The following IRAK1 variants were observed in gnomAD, a reference collection of about 807,000 sequenced individuals.
IRAK1 encodes the protein interleukin-1 receptor-associated kinase 1.
Under a neutral mutation model 49.8 loss-of-function variants are expected in IRAK1, and 9 were observed. That is an observed-to-expected ratio of 0.18 (90% CI 0.11 to 0.32). IRAK1 has a LOEUF of 0.32. IRAK1 is among the 10% of genes least tolerant of loss of function. The pLI, the probability that IRAK1 is intolerant of heterozygous loss-of-function variation, is 1.00. For missense variants in IRAK1, 418 were observed against 600.5 expected, an observed-to-expected ratio of 0.70 and a Z score of 3.18; for synonymous variants, 282 against 270.8, an observed-to-expected ratio of 1.04 and a Z score of -0.41.
chrX:154,015,048 CAG>C (rs1200957143), intron 10 of IRAK1, among the ~76,000 whole-genome samples: 2 of 112,131 alleles, frequency 1.8e-5, no homozygotes, highest in African/African-American at 6.5e-5. Flanking sequence ...GTTCTGAAAT[CAG>C]ACAGACCAGG....
At chrX:154,013,536 A>G in intron 11 of IRAK1, 103 bp from the exon 12 acceptor site, 1 of 808,722 alleles carries the variant, frequency 1.2e-6, no homozygotes, top group East Asian at 3.3e-5. Context: ...GACCTGCCCC[A>G]GGGCTCTAAA....
In IRAK1 at chrX:154,011,442, A is replaced by G. The variant is rs1379123802; in HGVS notation, c.*417T>C. On this transcript the variant is annotated 3_prime_UTR_variant, in exon 14 of 14. Transcript: ENST00000369980. The stretch of plus-strand genomic sequence containing the variant: ...GAGGGCCCTAGGCCTCGTCGGCCCC[A>G]TTGTGCAGGGTGGCCACTGTCCAAA... 3.8e-6 allele frequency: 1 copy of G among 262,127 alleles called. No individual in the cohort carries two copies. Among genetic ancestry groups the G allele is most frequent in the Non-Finnish European group, 7.1e-6 (1 of 141,677 alleles). The allele number at this position is 262,127 out of a possible 1,213,427, so 21.6% of individuals were successfully genotyped here. A position where few individuals can be genotyped will look rare whatever the true frequency, so the allele number is the denominator to read the frequency against.
At chrX:154,018,454 A>C in intron 5 of IRAK1, 99 bp from the exon 6 acceptor site, 1 of 923,476 alleles carries the variant, frequency 1.1e-6, no homozygotes, top group Non-Finnish European at 1.6e-6. Context: ...CACCTACCCG[A>C]GGCCCAGAAC....
At chrX:154,015,935 C>T (rs987908296) in intron 10 of IRAK1, 97 bp downstream of exon 10, 3 of 714,727 alleles carry the variant, frequency 4.2e-6, no homozygotes, top group East Asian at 3.2e-5. Context: ...CAGAGGCATC[C>T]ATGGGCACTG....
At chrX:154,017,942 G>A (rs370065813) in intron 7 of IRAK1, 64 bp downstream of exon 7, 16 of 858,696 alleles carry the variant, frequency 1.9e-5, no homozygotes, top group East Asian at 3.1e-5. Context: ...CCCCGCGCCC[G>A]GCTCCAGCCA....
At chrX:154,018,526 G>A in intron 5 of IRAK1, 73 bp downstream of exon 5, 1 of 968,004 alleles carries the variant, frequency 1.0e-6, no homozygotes, top group South Asian at 2.1e-5. Context: ...GGGGAAGCGA[G>A]GGGGAAAGGC....
At chrX:154,019,148 G>GAGCC (rs1487610360) in intron 3 of IRAK1, 49 bp downstream of exon 3, 1 of 1,206,861 alleles carries the variant, frequency 8.3e-7, no homozygotes, top group East Asian at 3.0e-5. Context: ...CCGTGGTCAA[G>GAGCC]GTGGGCTCTT....
rs1482281725 is a variant in IRAK1, at chrX:154,019,859, G to A, written c.-47C>T. 1.7e-5 allele frequency: 12 copies of A among 701,932 alleles called. No individual in the cohort carries two copies. The highest frequency in any genetic ancestry group is 1.9e-5 in the Non-Finnish European group (11 of 591,181). The allele number at this position is 701,932 out of a possible 1,213,427, so 57.8% of individuals were successfully genotyped here. On this transcript the variant is annotated 5_prime_UTR_variant, in exon 1 of 14. Transcript: ENST00000369980. ...ACCTGCCGGGGCCTCTCAGGGCCGC[G>A]GCGGGCGCGGGCCTGGGCCGGCCGG...
At position 154,010,813 on chromosome X, in the gene IRAK1, T is replaced by G. The variant is rs1362645443; in HGVS notation, c.*1046A>C. 1 of 273,826 alleles carries G rather than the reference T, an allele frequency of 3.7e-6. No homozygotes were observed. The highest frequency in any genetic ancestry group is 7.0e-6 in the Non-Finnish European group (1 of 142,392). 22.6% of individuals were successfully genotyped at this position (273,826 alleles called of 1,213,427 possible). Reference sequence around the variant, plus strand: ...ACTAGGTCTTGGGCCTAGCTAGACCTTGGGTAGTGGCCCCTCTGCCACAAT... The same window carrying G: ...ACTAGGTCTTGGGCCTAGCTAGACCGTGGGTAGTGGCCCCTCTGCCACAAT... On this transcript the variant is annotated 3_prime_UTR_variant, in exon 14 of 14. Coordinates refer to ENST00000369980, the MANE Select transcript of IRAK1 (RefSeq NM_001569.4).
chrX:154,019,434 C>A lies in IRAK1; in HGVS notation c.301G>T (p.Ala101Ser). 1 of 1,120,685 alleles carries A rather than the reference C, an allele frequency of 8.9e-7. No homozygotes were observed. The highest frequency in any genetic ancestry group is 1.2e-6 in the Non-Finnish European group (1 of 835,521). 92.4% of individuals were successfully genotyped at this position (1,120,685 alleles called of 1,213,427 possible). A position where few individuals can be genotyped will look rare whatever the true frequency, so the allele number is the denominator to read the frequency against. The part of the protein sequence containing the change: ...QLLRARDIIT[A>S]WHPPAPLPSP... ...GTGCCCGGAGTCCCGCGCTCACAGG[C>A]TGTGATGATGTCCCGCGCACGGAGC... is the stretch of plus-strand genomic sequence containing the variant. Residue 101 changes from alanine to serine, a missense_variant, in exon 2 of 14, where the codon GCC becomes TCC. Ala to Ser is a moderately conservative substitution (Grantham distance 99). This residue lies in a region of IRAK1 where 21 missense variants were observed against 84.9 expected (regional missense o/e 0.25). Coordinates refer to ENST00000369980, the MANE Select transcript of IRAK1 (RefSeq NM_001569.4).
intron 5 of IRAK1, 43 bp from the exon 6 acceptor site, chrX:154,018,398 G>A (rs782648311): frequency 4.6e-6 from 5 of 1,085,039 alleles, no homozygotes; most frequent in Middle Eastern, 2.5e-4. Context: ...CAGGGAAGAC[G>A]GGCAGCGTGA....
At chrX:154,013,893 C>T in intron 11 of IRAK1, 149 bp downstream of exon 11, 1 of 811,678 alleles carries the variant, frequency 1.2e-6, no homozygotes, top group Non-Finnish European at 1.7e-6. Flanking sequence ...TTCAGAGGGG[C>T]GCTGCCCCAA....
In IRAK1 at chrX:154,011,189, ATCC is replaced by A. The variant is rs2065695371; in HGVS notation, c.*667_*669del. On this transcript the variant is annotated 3_prime_UTR_variant, in exon 14 of 14. Transcript: ENST00000369980. ...AGCCTCGACCTCCCAAGCATAAATG[ATCC>A]TCCTACTTCAGCCTCCCCAGCAGCT... The A allele has an allele frequency of 3.2e-6, 1 of 311,044 alleles. No individual in the cohort carries two copies. Among genetic ancestry groups the A allele is most frequent in the Admixed American group, 3.2e-5 (1 of 30,839 alleles). 25.6% of individuals were successfully genotyped at this position (311,044 alleles called of 1,213,427 possible). A position where few individuals can be genotyped will look rare whatever the true frequency, so the allele number is the denominator to read the frequency against.
rs781891665 is a variant in IRAK1, at chrX:154,016,897, G to A, written c.1028+52C>T. ...GATCCCCACATTGATAGGACGCGGG[G>A]CCCCCCTTGCTGCAGGCCCTGCCCC... On this transcript the variant is annotated intron_variant, in intron 8 of 13. Coordinates refer to ENST00000369980, the MANE Select transcript of IRAK1 (RefSeq NM_001569.4). The A allele has an allele frequency of 6.8e-5, 64 of 945,803 alleles. No homozygotes were observed. The East Asian group carries it at 1.8e-3, about 26-fold the overall frequency. 77.9% of individuals were successfully genotyped at this position (945,803 alleles called of 1,213,427 possible). A position where few individuals can be genotyped will look rare whatever the true frequency, so the allele number is the denominator to read the frequency against.
chrX:154,019,300 T>A lies in IRAK1; in HGVS notation c.333A>T (p.Pro111=). 8.5e-7 allele frequency: 1 copy of A among 1,174,675 alleles called. No individual in the cohort carries two copies. Among genetic ancestry groups the A allele is most frequent in the Non-Finnish European group, 1.1e-6 (1 of 876,191 alleles). Residue 111 remains proline (P), a synonymous_variant, in exon 3 of 14, where the codon CCA becomes CCT. Coordinates refer to ENST00000369980, the MANE Select transcript of IRAK1 (RefSeq NM_001569.4). ...AWHPPAPLPS[P]GTTAPRPSSI... ...TGCTGGGCCTCGGGGCAGTGGTGCCTGGGGACGGAAGCGGGGCGGGAGGGT... is the reference window on the plus strand; with the variant it reads ...TGCTGGGCCTCGGGGCAGTGGTGCCAGGGGACGGAAGCGGGGCGGGAGGGT...
Position 154,011,875 on chromosome X carries a change from T to C in IRAK1, c.2123A>G (p.Asp708Gly). The C allele has an allele frequency of 8.3e-7, 1 of 1,211,231 alleles. No individual in the cohort carries two copies. The highest frequency in any genetic ancestry group is 1.1e-6 in the Non-Finnish European group (1 of 894,948). ...GTGAACACATCAGCTCTGAAATTCATCACTTTCTTCGGGCCCCTGCCTGTC... is the reference window on the plus strand; with the variant it reads ...GTGAACACATCAGCTCTGAAATTCACCACTTTCTTCGGGCCCCTGCCTGTC... The part of the protein sequence containing the change: ...EQDRQGPEES[D>G]EFQS Residue 708 changes from aspartate (D) to glycine (G), a missense_variant, in exon 14 of 14, where the codon GAT becomes GGT. By Grantham distance (94) the Asp-to-Gly change is moderately conservative. This residue lies in a region of IRAK1 where 377 missense variants were observed against 499.5 expected (regional missense o/e 0.75). Coordinates refer to ENST00000369980, the MANE Select transcript of IRAK1 (RefSeq NM_001569.4).
In IRAK1 at chrX:154,016,941, C is replaced by T. The variant is rs1175257705; in HGVS notation, c.1028+8G>A. 8.6e-7 allele frequency: 1 copy of T among 1,162,721 alleles called. No individual in the cohort carries two copies. Among genetic ancestry groups the T allele is most frequent in the Non-Finnish European group, 1.2e-6 (1 of 850,399 alleles). On this transcript the variant is annotated splice_region_variant and intron_variant, in intron 8 of 13. Transcript: ENST00000369980. ...CTGCCCCGGCAGTTCTCAAGGGCCC[C>T]TCCTCACCTCTTGATGTCTCCATGG... is the stretch of plus-strand genomic sequence containing the variant.
intron 10 of IRAK1, among the ~76,000 whole-genome samples, chrX:154,015,283 G>C (rs1195238110): frequency 3.6e-5 from 4 of 111,861 alleles, no homozygotes; most frequent in African/African-American, 9.7e-5. Context: ...GGAAGTCCAA[G>C]GACCCCCAAG....
In IRAK1 at chrX:154,016,568, C is replaced by T. The variant is rs1557129273; in HGVS notation, c.1105G>A (p.Gly369Arg). 1.5e-5 allele frequency: 18 copies of T among 1,211,564 alleles called. No homozygotes were observed. The highest frequency in any genetic ancestry group is 1.8e-5 in the Non-Finnish European group (16 of 895,178). ...FGLARFSRFA[G>R]SSPSQSSMVA... Reference sequence around the variant, plus strand: ...ATGCTGCTCTGGCTGGGGCTGGACCCGGCAAAGCGGCTGAACCGGGCCAGG... The same window carrying T: ...ATGCTGCTCTGGCTGGGGCTGGACCTGGCAAAGCGGCTGAACCGGGCCAGG... The change falls in exon 9 of 14, where the codon GGG (glycine) becomes AGG (arginine). Residue 369 changes from glycine to arginine, a missense_variant. By Grantham distance (125) the Gly-to-Arg change is moderately radical (BLOSUM62 -2). Around this residue, in one of 3 missense-constraint regions of IRAK1, gnomAD observed 377 missense variants for 499.5 expected, o/e 0.75. Coordinates refer to ENST00000369980, the MANE Select transcript of IRAK1 (RefSeq NM_001569.4).
Sources: gnomAD v4.1 joint callset for allele counts (sites outside exome capture counted in the v4.1 genomes callset) on GRCh38, gnomAD v4.1.1 for gene constraint, gnomAD v4.1.1 regional missense constraint, MANE v1.5 for transcripts, NCBI Gene and HGNC (gene_info 2026-07-23, HGNC 2026-07-21) for gene names.